Variants in OR2L13 observed in about 807,000 individuals in gnomAD.
OR2L13 encodes the protein olfactory receptor family 2 subfamily L member 13, also known as olfactory receptor 2L13.
OR2L13 carries 14 observed loss-of-function variants against 15.3 expected under a neutral mutation model. The observed-to-expected ratio is 0.91, with a 90% confidence interval of 0.60 to 1.43. The LOEUF is 1.43. Among genes scored for constraint, OR2L13 ranks in the 40% most tolerant of loss-of-function variants. The pLI is 0.00. For missense variants in OR2L13, 367 were observed against 387.9 expected (o/e 0.95, Z 0.45); for synonymous variants, 152 against 142.9 (o/e 1.06, Z -0.45).
chr1:248,038,457 C>T, the OR2L13 span: 10 of 1,613,788 alleles, frequency 6.2e-6, no homozygotes, highest in Admixed American at 3.3e-5. Flanking sequence ...CCTACTTAGT[C>T]AGCTCTCCCT....
the OR2L13 span, chr1:248,063,256 T>A: frequency 1.3e-5 from 2 of 152,386 alleles, no homozygotes; most frequent in East Asian, 3.8e-4. Flanking sequence ...CTCTTCATTT[T>A]CTTTCACCAG....
At chr1:247,954,995 C>T in the OR2L13 span, among the ~76,000 whole-genome samples, 4 of 151,682 alleles carry the variant, frequency 2.6e-5, no homozygotes, top group African/African-American at 9.7e-5. Context: ...ATGTGCATAA[C>T]GTGCAGGTTA....
At chr1:248,016,973 TGCC>T in the OR2L13 span, among the ~76,000 whole-genome samples, 2 of 152,178 alleles carry the variant, frequency 1.3e-5, no homozygotes, top group Non-Finnish European at 2.9e-5. Context: ...ATATTGCAAG[TGCC>T]AGTGTGTGGA....
chr1:247,978,519 C>T, the OR2L13 span, among the ~76,000 whole-genome samples: 2 of 152,260 alleles, frequency 1.3e-5, no homozygotes, highest in African/African-American at 4.8e-5. Flanking sequence ...TTTCATGTGC[C>T]TGCAAAGGAC....
the OR2L13 span, among the ~76,000 whole-genome samples, chr1:248,014,471 ATATT>A: frequency 1.3e-5 from 2 of 152,086 alleles, no homozygotes; most frequent in Admixed American, 6.6e-5. Context: ...ATTTTGCAAT[ATATT>A]TATTTTTTTC....
chr1:248,029,721 A>G, the OR2L13 span, among the ~76,000 whole-genome samples: 2 of 152,206 alleles, frequency 1.3e-5, no homozygotes, highest in African/African-American at 2.4e-5. Flanking sequence ...TGAACTCAGA[A>G]AGAAATTAAT....
At chr1:247,972,464 G>T in the OR2L13 span, among the ~76,000 whole-genome samples, 1 of 152,028 alleles carries the variant, frequency 6.6e-6, no homozygotes, top group Non-Finnish European at 1.5e-5. Context: ...ATACAAACTC[G>T]CATCAGAGAA....
At chr1:248,050,525 G>A in the OR2L13 span, among the ~76,000 whole-genome samples, 1 of 151,920 alleles carries the variant, frequency 6.6e-6, no homozygotes. Context: ...CTGGAACATG[G>A]ATAATAAAAA....
the OR2L13 span, among the ~76,000 whole-genome samples, chr1:247,969,726 G>T: frequency 6.6e-6 from 1 of 152,156 alleles, no homozygotes; most frequent in Admixed American, 6.6e-5. Flanking sequence ...TCCTAAATGT[G>T]ATCCAGTTGG....
the OR2L13 span, among the ~76,000 whole-genome samples, chr1:247,961,415 A>G: frequency 6.6e-6 from 1 of 152,178 alleles, no homozygotes; most frequent in Non-Finnish European, 1.5e-5. Flanking sequence ...CTTGAGGCAG[A>G]TAGATGAGAA....
the OR2L13 span, chr1:248,022,142 C>T: frequency 6.2e-7 from 1 of 1,614,000 alleles, no homozygotes; most frequent in Non-Finnish European, 8.5e-7. Context: ...TTAGTCAGCT[C>T]TCCCTCATTG....
At chr1:248,076,553 G>C in the OR2L13 span, among the ~76,000 whole-genome samples, 2 of 152,036 alleles carry the variant, frequency 1.3e-5, no homozygotes, top group Admixed American at 1.3e-4. Context: ...CCTTGAAAAG[G>C]TCCTTCATAT....
the OR2L13 span, among the ~76,000 whole-genome samples, chr1:248,071,040 C>G: frequency 9.9e-5 from 15 of 152,170 alleles, no homozygotes; most frequent in South Asian, 3.1e-3. Flanking sequence ...CGAATTCTAC[C>G]AGAGGTACAA....
chr1:248,025,571 C>T, the OR2L13 span, among the ~76,000 whole-genome samples: 1 of 148,886 alleles, frequency 6.7e-6, no homozygotes, highest in East Asian at 2.0e-4. Flanking sequence ...ACTAGAAATA[C>T]CATTTGACCC....
the OR2L13 span, among the ~76,000 whole-genome samples, chr1:248,033,099 T>A: frequency 2.0e-5 from 3 of 152,340 alleles, no homozygotes; most frequent in Admixed American, 2.0e-4. Context: ...TATAATATTT[T>A]CATAATGGGT....
At chr1:247,958,981 C>G in the OR2L13 span, among the ~76,000 whole-genome samples, 1 of 152,154 alleles carries the variant, frequency 6.6e-6, no homozygotes, top group African/African-American at 2.4e-5. Context: ...TTGATCCTGT[C>G]ATTATGATGT....
chr1:248,021,536 T>C, the OR2L13 span, among the ~76,000 whole-genome samples: 22 of 152,318 alleles, frequency 1.4e-4, no homozygotes, highest in African/African-American at 4.6e-4. Flanking sequence ...TAGCCCAATG[T>C]TGCATCATAG....
chr1:248,048,501 A>G, the OR2L13 span, among the ~76,000 whole-genome samples: 1 of 152,150 alleles, frequency 6.6e-6, no homozygotes, highest in Non-Finnish European at 1.5e-5. Flanking sequence ...ATACTCCAGA[A>G]GACACTCTTT....
chr1:248,089,259 C>T, the OR2L13 span, among the ~76,000 whole-genome samples: 18 of 152,076 alleles, frequency 1.2e-4, no homozygotes, highest in African/African-American at 3.6e-4. Flanking sequence ...TGGGAAGCTC[C>T]GGAAGGGTCC....
Sources: allele counts gnomAD v4.1 joint callset (sites outside exome capture counted in the v4.1 genomes callset), GRCh38; gene constraint gnomAD v4.1.1; transcripts MANE v1.5; gene names NCBI Gene and HGNC (gene_info 2026-07-23, HGNC 2026-07-21).